The following MAP3K20 variants were observed in gnomAD, a reference collection of about 807,000 sequenced individuals.
The protein encoded by MAP3K20 is HCCS-4.
A neutral mutation model predicts 85.7 loss-of-function variants in MAP3K20; 40 were observed. That is an observed-to-expected ratio of 0.47 (90% CI 0.36 to 0.61). MAP3K20 has a LOEUF of 0.61. MAP3K20 is among the 20% of genes least tolerant of loss of function. MAP3K20 has a pLI of 0.00. For missense variants in MAP3K20, 817 were observed against 961.7 expected (o/e 0.85, Z 1.99); for synonymous variants, 325 against 327.7 (o/e 0.99, Z 0.09).
In MAP3K20 at chr2:173,091,132, A is replaced by G. The variant is rs1393987148; in HGVS notation, c.101A>G (p.Lys34Arg). ...AGTTTTGGGAGTGTTTATCGAGCCA[A>G]ATGGATATCACAGGACAAGGAGGTG... ...GGSFGSVYRA[K>R]WISQDKEVAV... Residue 34 changes from lysine (K) to arginine (R), a missense_variant, in exon 2 of 20, where the codon AAA becomes AGA. By Grantham distance (26) the Lys-to-Arg change is conservative. Around this residue, in one of 4 missense-constraint regions of MAP3K20, gnomAD observed 200 missense variants for 302.7 expected, o/e 0.66. Coordinates refer to ENST00000375213, the MANE Select transcript of MAP3K20 (RefSeq NM_016653.3). The G allele has an allele frequency of 2.5e-6, 4 of 1,614,034 alleles. No homozygotes were observed. Among genetic ancestry groups the G allele is most frequent in the African/African-American group, 1.3e-5 (1 of 74,994 alleles).
intron 2 of MAP3K20, among the ~76,000 whole-genome samples, chr2:173,124,787 C>T (rs573489457): frequency 6.6e-6 from 1 of 152,190 alleles, no homozygotes; most frequent in Non-Finnish European, 1.5e-5. Flanking sequence ...ATGCTCCTTC[C>T]TCTGCTACGA....
intron 11 of MAP3K20, among the ~76,000 whole-genome samples, chr2:173,228,854 CAG>C (rs1422196440): frequency 6.6e-6 from 1 of 152,104 alleles, no homozygotes; most frequent in Non-Finnish European, 1.5e-5. Context: ...ATATTTGTAA[CAG>C]AAGATGAGTG....
At chr2:173,091,313 G>A in intron 2 of MAP3K20, 123 bp downstream of exon 2, 1 of 934,024 alleles carries the variant, frequency 1.1e-6, no homozygotes, top group Admixed American at 3.0e-5. Flanking sequence ...TGATCCACGA[G>A]GCCGTTTCCC....
At chr2:173,196,956 T>G (rs1379946645) in intron 7 of MAP3K20, among the ~76,000 whole-genome samples, 1 of 9,956 alleles carries the variant, frequency 1.0e-4, no homozygotes, top group African/African-American at 2.3e-4. Context: ...TTTGGGCAAG[T>G]TTTTTTTTTT....
chr2:173,239,648 C>T, intron 16 of MAP3K20, 152 bp downstream of exon 16: 2 of 739,768 alleles, frequency 2.7e-6, no homozygotes, highest in East Asian at 2.8e-5. Context: ...AGCTGAAAGG[C>T]TGCCAGCTGC....
At chr2:173,086,065 G>A (rs1487314578) in intron 1 of MAP3K20, among the ~76,000 whole-genome samples, 2 of 151,756 alleles carry the variant, frequency 1.3e-5, no homozygotes, top group African/African-American at 4.8e-5. Flanking sequence ...CAAAGTGCTG[G>A]GACTATAGGC....
intron 2 of MAP3K20, among the ~76,000 whole-genome samples, chr2:173,124,116 A>G (rs1247623676): frequency 6.6e-6 from 1 of 152,154 alleles, no homozygotes; most frequent in African/African-American, 2.4e-5. Context: ...CCCATATCCC[A>G]TTGACAAGGA....
intron 10 of MAP3K20, among the ~76,000 whole-genome samples, chr2:173,214,806 TATATAA>T (rs1015117146): frequency 1.2e-4 from 19 of 152,210 alleles, no homozygotes; most frequent in African/African-American, 4.1e-4. Flanking sequence ...ACAAGAAGTT[TATATAA>T]ATATATCAAC....
chr2:173,088,317 A>G (rs994751358), intron 1 of MAP3K20, among the ~76,000 whole-genome samples: 1 of 152,194 alleles, frequency 6.6e-6, no homozygotes. Flanking sequence ...AACACTGACT[A>G]TTGACTTAAC....
chr2:173,187,744 C>G, intron 5 of MAP3K20, 121 bp downstream of exon 5: 1 of 736,254 alleles, frequency 1.4e-6, no homozygotes, highest in Non-Finnish European at 2.1e-6. Context: ...ACTGCTGATA[C>G]CATGGAAGCC....
At chr2:173,265,778 TAAG>T (rs946690216) in intron 19 of MAP3K20, among the ~76,000 whole-genome samples, 24 of 152,282 alleles carry the variant, frequency 1.6e-4, no homozygotes, top group African/African-American at 3.6e-4. Context: ...AGTGTTTACC[TAAG>T]AAGATTACTG....
chr2:173,081,209 T>TA lies in MAP3K20; in HGVS notation c.-35+5208dup, dbSNP rs1553561995. Among the ~76,000 whole-genome samples the TA allele has an allele frequency of 4.2e-4, 61 of 144,038 alleles. 1 individual carries two copies. The South Asian group carries it at 0.012, about 29-fold the overall frequency. The allele number at this position is 144,038 out of a possible 152,430, so 94.5% of individuals were successfully genotyped here. On this transcript the variant is annotated intron_variant, in intron 1 of 19. Coordinates refer to ENST00000375213, the MANE Select transcript of MAP3K20 (RefSeq NM_016653.3). ...GACAAATTTTTTTTTTTTTTTTTTTTAGAAACAGAGTCTTGCTATGTTGTC... is the reference window on the plus strand; with the variant it reads ...GACAAATTTTTTTTTTTTTTTTTTTTAAGAAACAGAGTCTTGCTATGTTGTC...
At chr2:173,103,704 CTTGTAACT>C (rs1319157151) in intron 2 of MAP3K20, among the ~76,000 whole-genome samples, 1 of 152,206 alleles carries the variant, frequency 6.6e-6, no homozygotes, top group East Asian at 1.9e-4. Flanking sequence ...CCAGTTTTAT[CTTGTAACT>C]TTATTCTTTA....
chr2:173,223,862 C>T (rs1684317489), intron 11 of MAP3K20: 2 of 985,292 alleles, frequency 2.0e-6, no homozygotes, highest in African/African-American at 3.5e-5. Flanking sequence ...TGGAGTAGAG[C>T]AGAAGGGAGG....
intron 4 of MAP3K20, among the ~76,000 whole-genome samples, chr2:173,184,515 T>A (rs930792086): frequency 6.6e-6 from 1 of 152,228 alleles, no homozygotes; most frequent in Non-Finnish European, 1.5e-5. Flanking sequence ...GACTGAGGGA[T>A]AAGTCTCTTG....
At chr2:173,224,896 C>T (rs1684342193) in intron 11 of MAP3K20, 1 of 985,214 alleles carries the variant, frequency 1.0e-6, no homozygotes, top group East Asian at 1.1e-4. Flanking sequence ...TTCTAATTCA[C>T]TTTTCAGATC....
intron 2 of MAP3K20, among the ~76,000 whole-genome samples, chr2:173,111,420 T>C (rs949098297): frequency 2.0e-5 from 3 of 152,250 alleles, no homozygotes; most frequent in African/African-American, 7.2e-5. Flanking sequence ...AAAAGCTCTT[T>C]AGTTTAATTA....
chr2:173,253,484 G>GC (rs1685088409), intron 16 of MAP3K20, among the ~76,000 whole-genome samples: 1 of 152,030 alleles, frequency 6.6e-6, no homozygotes, highest in East Asian at 1.9e-4. Context: ...GCCCCACCTT[G>GC]CCCCACAATG....
At chr2:173,137,803 G>C (rs940989027) in intron 2 of MAP3K20, among the ~76,000 whole-genome samples, 2 of 151,978 alleles carry the variant, frequency 1.3e-5, no homozygotes, top group Non-Finnish European at 1.5e-5. Context: ...TGACACGTGG[G>C]CATCAACATT....
Sources: gnomAD v4.1 joint callset for allele counts (sites outside exome capture counted in the v4.1 genomes callset) on GRCh38, gnomAD v4.1.1 for gene constraint, gnomAD v4.1.1 regional missense constraint, MANE v1.5 for transcripts, NCBI Gene and HGNC (gene_info 2026-07-23, HGNC 2026-07-21) for gene names.